Variants in FHIT observed in about 807,000 individuals in gnomAD.
FHIT encodes bis(5'-adenosyl)-triphosphatase.
A neutral mutation model predicts 17.9 loss-of-function variants in FHIT; 19 were observed. The ratio of observed to expected loss-of-function variants is 1.06; its 90% CI spans 0.74 to 1.56. The LOEUF (loss-of-function observed/expected upper bound fraction) is 1.56. FHIT is among the 40% of genes most tolerant of loss of function. FHIT has a pLI of 0.00. For synonymous variants in FHIT, 81 were observed against 69.7 expected, an observed-to-expected ratio of 1.16 and a Z score of -0.81; for missense variants, 248 against 189.2, an observed-to-expected ratio of 1.31 and a Z score of -1.82.
At chr3:59,788,917 A>G (rs949287590) in intron 8 of FHIT, among the ~76,000 whole-genome samples, 6 of 70,400 alleles carry the variant, frequency 8.5e-5, no homozygotes, top group Non-Finnish European at 1.4e-4. Flanking sequence ...ACAGCAAGTA[A>G]TCTTGCAGAT....
intron 5 of FHIT, among the ~76,000 whole-genome samples, chr3:60,126,899 G>A (rs115313179): frequency 0.013 from 2,037 of 152,174 alleles, 46 homozygotes; most frequent in African/African-American, 0.045. Context: ...CCTCCTCTTT[G>A]AGCTAATACC....
chr3:60,999,142 A>T (rs2030883594), intron 3 of FHIT, among the ~76,000 whole-genome samples: 1 of 152,164 alleles, frequency 6.6e-6, no homozygotes, highest in Non-Finnish European at 1.5e-5. Flanking sequence ...GAACCTCCTG[A>T]TTAAACAAAT....
chr3:60,399,929 G>A (rs1353295862), intron 5 of FHIT, among the ~76,000 whole-genome samples: 5 of 152,132 alleles, frequency 3.3e-5, no homozygotes, highest in Non-Finnish European at 1.5e-5. Context: ...AGTAAACCCT[G>A]CTTCTGAATT....
At chr3:59,904,206 T>C (rs1246619434) in intron 8 of FHIT, among the ~76,000 whole-genome samples, 1 of 102,880 alleles carries the variant, frequency 9.7e-6, no homozygotes, top group Non-Finnish European at 2.0e-5. Context: ...AAAGGAACAA[T>C]AATAACCATA....
intron 5 of FHIT, among the ~76,000 whole-genome samples, chr3:60,120,011 C>T (rs907321207): frequency 6.6e-6 from 1 of 152,058 alleles, no homozygotes; most frequent in African/African-American, 2.4e-5. Context: ...CTTAAAAAAT[C>T]AGCCTAATCA....
intron 3 of FHIT, among the ~76,000 whole-genome samples, chr3:60,875,923 A>ATATGTG (rs1704631486): frequency 7.3e-6 from 1 of 136,802 alleles, no homozygotes; most frequent in African/African-American, 2.7e-5. Flanking sequence ...AAACTTATTC[A>ATATGTG]TGTGTGTGTG....
chr3:61,208,567 A>G (rs2039336576), intron 1 of FHIT, among the ~76,000 whole-genome samples: 1 of 152,058 alleles, frequency 6.6e-6, no homozygotes, highest in South Asian at 2.1e-4. Context: ...ACCATTATGC[A>G]ATGGCCTTCT....
chr3:60,472,830 C>T (rs903120724), intron 5 of FHIT, among the ~76,000 whole-genome samples: 9 of 152,032 alleles, frequency 5.9e-5, no homozygotes, highest in African/African-American at 2.2e-4. Flanking sequence ...CTAAGCAAAA[C>T]CAAGTTGGGG....
intron 4 of FHIT, among the ~76,000 whole-genome samples, chr3:60,596,729 C>T (rs1355105266): frequency 6.6e-6 from 1 of 152,116 alleles, no homozygotes; most frequent in Non-Finnish European, 1.5e-5. Context: ...CTAGACACAT[C>T]TCAGGTAGAG....
chr3:60,807,966 G>A (rs1296372396), intron 4 of FHIT, among the ~76,000 whole-genome samples: 9 of 152,248 alleles, frequency 5.9e-5, no homozygotes, highest in Non-Finnish European at 1.0e-4. Flanking sequence ...GGAGAATCCT[G>A]AAACTGGGGA....
Position 60,579,831 on chromosome 3 carries a change from T to C in FHIT, c.-17-42852A>G, listed in dbSNP as rs535214071. Reference sequence around the variant, plus strand: ...AGGAACGTTAATGTCTCGAGGTTTCTAGCAAATTAACAGCCCAGGTAACAA... The same window carrying C: ...AGGAACGTTAATGTCTCGAGGTTTCCAGCAAATTAACAGCCCAGGTAACAA... On this transcript the variant is annotated intron_variant, in intron 4 of 9. Coordinates refer to ENST00000492590, the MANE Select transcript of FHIT (RefSeq NM_002012.4). Among the ~76,000 whole-genome samples, 18 of 152,238 alleles carry C rather than the reference T, an allele frequency of 1.2e-4. No homozygotes were observed. In the South Asian group the frequency reaches 3.1e-3, roughly 26 times the overall value.
chr3:59,980,227 T>A (rs184115993), intron 7 of FHIT, among the ~76,000 whole-genome samples: 1 of 152,324 alleles, frequency 6.6e-6, no homozygotes, highest in East Asian at 1.9e-4. Flanking sequence ...GGCATTGGCA[T>A]GAATGTTAAT....
chr3:59,797,299 G>A (rs896515289), intron 8 of FHIT, among the ~76,000 whole-genome samples: 1 of 151,428 alleles, frequency 6.6e-6, no homozygotes, highest in Non-Finnish European at 1.5e-5. Context: ...CAATTCTCAT[G>A]CCTCAGCTTC....
chr3:60,495,662 T>C (rs2034272055), intron 5 of FHIT, among the ~76,000 whole-genome samples: 1 of 152,134 alleles, frequency 6.6e-6, no homozygotes, highest in South Asian at 2.1e-4. Context: ...CATAAATGAA[T>C]CCATGTATTC....
chr3:59,926,419 T>C (rs1339815943), intron 7 of FHIT, among the ~76,000 whole-genome samples: 1 of 152,222 alleles, frequency 6.6e-6, no homozygotes, highest in African/African-American at 2.4e-5. Context: ...CAATGGGTGA[T>C]GCAGAAGATA....
At chr3:60,465,020 T>G (rs2032706061) in intron 5 of FHIT, among the ~76,000 whole-genome samples, 1 of 152,186 alleles carries the variant, frequency 6.6e-6, no homozygotes, top group African/African-American at 2.4e-5. Flanking sequence ...CCAGCACTTG[T>G]TATTGCCTGT....
chr3:60,360,407 G>A (rs1699857276), intron 5 of FHIT, among the ~76,000 whole-genome samples: 1 of 152,112 alleles, frequency 6.6e-6, no homozygotes, highest in Non-Finnish European at 1.5e-5. Context: ...GGCCAATAAT[G>A]CACAGAGTTC....
chr3:60,874,973 T>A (rs781819753), intron 3 of FHIT, among the ~76,000 whole-genome samples: 37 of 152,172 alleles, frequency 2.4e-4, no homozygotes, highest in Non-Finnish European at 4.0e-4. Flanking sequence ...ATTTACATTG[T>A]GAGTCTATGA....
At chr3:60,634,132 A>T (rs2039518761) in intron 4 of FHIT, among the ~76,000 whole-genome samples, 1 of 152,116 alleles carries the variant, frequency 6.6e-6, no homozygotes, top group African/African-American at 2.4e-5. Flanking sequence ...TCTGAGCTTC[A>T]CTTTCCTCAT....
Sources: gnomAD v4.1 joint callset for allele counts (sites outside exome capture counted in the v4.1 genomes callset) on GRCh38, gnomAD v4.1.1 for gene constraint, MANE v1.5 for transcripts, NCBI Gene and HGNC (gene_info 2026-07-23, HGNC 2026-07-21) for gene names.